ITCH: variants seen among roughly 807,000 people sequenced by gnomAD.
ITCH encodes E3 ubiquitin-protein ligase Itchy homolog.
ITCH carries 28 observed loss-of-function variants against 126.8 expected under a neutral mutation model. The ratio of observed to expected loss-of-function variants is 0.22; its 90% confidence interval spans 0.16 to 0.30. The LOEUF is 0.30. Among genes scored for constraint, ITCH ranks in the 10% least tolerant of loss-of-function variants. The pLI, the probability that ITCH is intolerant of heterozygous loss-of-function variation, is 1.00. For missense variants in ITCH, 631 were observed against 1,032.4 expected, an observed-to-expected ratio of 0.61 and a Z score of 5.33; for synonymous variants, 342 against 340.0, an observed-to-expected ratio of 1.01 and a Z score of -0.06.
At chr20:34,449,601 GA>G (rs1326337738) in intron 12 of ITCH, 121 bp downstream of exon 12, 51 of 716,810 alleles carry the variant, frequency 7.1e-5, no homozygotes, top group Non-Finnish European at 1.0e-4. Flanking sequence ...GAATGTCTGG[GA>G]AGTTTTTTTT....
chr20:34,447,001 A>G (rs1011405891), intron 11 of ITCH, among the ~76,000 whole-genome samples: 5 of 150,466 alleles, frequency 3.3e-5, no homozygotes, highest in Non-Finnish European at 5.9e-5. Context: ...GTTAGTTCCC[A>G]TCTCTTCTCT....
intron 2 of ITCH, among the ~76,000 whole-genome samples, chr20:34,372,107 C>T (rs2122986231): frequency 6.6e-6 from 1 of 151,692 alleles, no homozygotes; most frequent in East Asian, 2.0e-4. Context: ...AAGATCGAGA[C>T]CATCCTGACT....
At chr20:34,474,016 A>G (rs541459806) in intron 16 of ITCH, among the ~76,000 whole-genome samples, 1 of 152,360 alleles carries the variant, frequency 6.6e-6, no homozygotes, top group Non-Finnish European at 1.5e-5. Context: ...CCTATCTTCT[A>G]GGTAAACAGA....
chr20:34,463,999 GTCTC>G (rs936135699), intron 14 of ITCH, among the ~76,000 whole-genome samples: 25 of 151,646 alleles, frequency 1.6e-4, no homozygotes, highest in Non-Finnish European at 5.9e-5. Context: ...TTTTGAGACA[GTCTC>G]TCTCTCTGTC....
chr20:34,463,634 T>A (rs1444180647), intron 14 of ITCH, among the ~76,000 whole-genome samples: 2 of 151,234 alleles, frequency 1.3e-5, no homozygotes, highest in African/African-American at 4.9e-5. Flanking sequence ...CATCATCATA[T>A]TTTTTTTTAA....
intron 2 of ITCH, among the ~76,000 whole-genome samples, chr20:34,380,881 G>C (rs991098339): frequency 6.6e-6 from 1 of 151,700 alleles, no homozygotes; most frequent in Admixed American, 6.6e-5. Flanking sequence ...TCCACCTCCC[G>C]GGTTCAGGAG....
chr20:34,434,961 T>G (rs944984485), intron 7 of ITCH, among the ~76,000 whole-genome samples: 1 of 152,204 alleles, frequency 6.6e-6, no homozygotes, highest in South Asian at 2.1e-4. Context: ...AATTTTTTTC[T>G]ATCTTTTGCC....
At chr20:34,430,821 A>T (rs1046885224) in intron 7 of ITCH, among the ~76,000 whole-genome samples, 2 of 152,206 alleles carry the variant, frequency 1.3e-5, no homozygotes, top group East Asian at 3.8e-4. Context: ...ACTCTGTAGG[A>T]AAAAATATTT....
chr20:34,423,096 C>CT (rs1981007893), intron 6 of ITCH, among the ~76,000 whole-genome samples: 1 of 152,048 alleles, frequency 6.6e-6, no homozygotes, highest in South Asian at 2.1e-4. Flanking sequence ...CGCCCGGCCT[C>CT]TATTTTTTAT....
At chr20:34,425,862 C>T (rs1482745150) in intron 7 of ITCH, among the ~76,000 whole-genome samples, 7 of 152,240 alleles carry the variant, frequency 4.6e-5, no homozygotes, top group Non-Finnish European at 8.8e-5. Flanking sequence ...GGTCCTCACA[C>T]GTTGAGCGCC....
chr20:34,479,696 G>A lies in ITCH; in HGVS notation c.1725G>A (p.Gly575=). 3 of 1,613,352 alleles carry A rather than the reference G, an allele frequency of 1.9e-6. No individual in the cohort carries two copies. Among genetic ancestry groups the A allele is most frequent in the Admixed American group, 1.7e-5 (1 of 60,014 alleles). The change falls in exon 18 of 25, where the codon GGG becomes GGA. Residue 575 remains glycine, a synonymous_variant. Coordinates refer to ENST00000374864, the MANE Select transcript of ITCH (RefSeq NM_031483.7). ...NPMYCLFEYA[G]KDNYCLQINP... is the part of the protein sequence containing the mutation. ...TGTATTGCCTGTTTGAATATGCAGGGAAGGATAACTACTGCTTGCAGATAA... is the reference window on the plus strand; with the variant it reads ...TGTATTGCCTGTTTGAATATGCAGGAAAGGATAACTACTGCTTGCAGATAA...
chr20:34,488,866 C>G (rs1210200603), intron 20 of ITCH, among the ~76,000 whole-genome samples: 1 of 152,030 alleles, frequency 6.6e-6, no homozygotes, highest in Admixed American at 6.6e-5. Flanking sequence ...AGAGAGACAC[C>G]ATCTCTACAT....
intron 20 of ITCH, among the ~76,000 whole-genome samples, chr20:34,487,096 C>T (rs1423577399): frequency 6.6e-6 from 1 of 150,582 alleles, no homozygotes; most frequent in Non-Finnish European, 1.5e-5. Flanking sequence ...ACTCTAAGCT[C>T]CGCTCCCTGG....
At chr20:34,482,529 A>G (rs979924348) in intron 20 of ITCH, among the ~76,000 whole-genome samples, 2 of 152,192 alleles carry the variant, frequency 1.3e-5, no homozygotes, top group African/African-American at 4.8e-5. Context: ...AAGTTCCAAA[A>G]TGATCTCTTT....
At chr20:34,461,296 C>G (rs1244068317) in intron 13 of ITCH, among the ~76,000 whole-genome samples, 2 of 152,146 alleles carry the variant, frequency 1.3e-5, no homozygotes, top group Non-Finnish European at 2.9e-5. Context: ...TAGTACTTTA[C>G]AGAGATAACT....
intron 20 of ITCH, among the ~76,000 whole-genome samples, chr20:34,483,032 G>T (rs1445038464): frequency 6.6e-6 from 1 of 152,126 alleles, no homozygotes; most frequent in Non-Finnish European, 1.5e-5. Flanking sequence ...CTGTACCTTG[G>T]CCACTTTTAG....
chr20:34,487,545 G>A lies in ITCH; in HGVS notation c.2094-1721G>A, dbSNP rs1827727344. Reference sequence around the variant, plus strand: ...TTTTAGCTCTTCTGTTGGTTTTTTAGCTATACCTCTTTGTTTAACTTTAGT... The same window carrying A: ...TTTTAGCTCTTCTGTTGGTTTTTTAACTATACCTCTTTGTTTAACTTTAGT... On this transcript the variant is annotated intron_variant, in intron 20 of 24. Coordinates refer to ENST00000374864, the MANE Select transcript of ITCH (RefSeq NM_031483.7). Among the ~76,000 whole-genome samples, 3 of 151,820 alleles carry A rather than the reference G, an allele frequency of 2.0e-5. No homozygotes were observed. In the South Asian group the frequency reaches 6.3e-4, roughly 32 times the overall value.
chr20:34,419,757 C>G (rs1980503461), intron 6 of ITCH, among the ~76,000 whole-genome samples: 1 of 152,182 alleles, frequency 6.6e-6, no homozygotes, highest in South Asian at 2.1e-4. Context: ...CCGGTTCACG[C>G]CATTCTCCTG....
In ITCH at chr20:34,503,853, G is replaced by GTT. The variant is rs776389533; in HGVS notation, c.2417-464_2417-463dup. On this transcript the variant is annotated intron_variant, in intron 23 of 24. Transcript: ENST00000374864. ...TGTTGGTTGCTTTTGGGTTTTTTGG[G>GTT]TTTTTTTTTTTTTTTGGTTTTTTTT... Among the ~76,000 whole-genome samples, 530 of 86,140 alleles carry GTT rather than the reference G, an allele frequency of 6.2e-3. 11 individuals are homozygous for GTT. Among genetic ancestry groups the GTT allele is most frequent in the African/African-American group, 0.02 (460 of 22,950 alleles). The allele number at this position is 86,140 out of a possible 152,430, so 56.5% of individuals were successfully genotyped here. A position where few individuals can be genotyped will look rare whatever the true frequency, so the allele number is the denominator to read the frequency against.
Sources: gnomAD v4.1 joint callset for allele counts (sites outside exome capture counted in the v4.1 genomes callset) on GRCh38, gnomAD v4.1.1 for gene constraint, MANE v1.5 for transcripts, NCBI Gene and HGNC (gene_info 2026-07-23, HGNC 2026-07-21) for gene names.